The following MRAS variants were observed in gnomAD, a reference collection of about 807,000 sequenced individuals.
MRAS encodes the protein muscle RAS oncogene homolog.
Under a neutral mutation model 20.9 loss-of-function variants are expected in MRAS, and 4 were observed. The observed-to-expected ratio is 0.19, with a 90% CI of 0.09 to 0.44. The LOEUF (loss-of-function observed/expected upper bound fraction) is 0.44, where lower values mean the gene tolerates loss of function less well. MRAS is among the 20% of genes least tolerant of loss of function. The pLI is 0.99. For missense variants in MRAS, 154 were observed against 277.5 expected (o/e 0.56, Z 3.16); for synonymous variants, 98 against 102.9 (o/e 0.95, Z 0.29).
At chr3:138,378,061 A>G (rs1198864260) in intron 2 of MRAS, among the ~76,000 whole-genome samples, 1 of 152,170 alleles carries the variant, frequency 6.6e-6, no homozygotes, top group East Asian at 1.9e-4. Flanking sequence ...AGCACAGTGG[A>G]TCCTTGTGCC....
intron 2 of MRAS, among the ~76,000 whole-genome samples, chr3:138,391,713 C>G (rs2055135728): frequency 6.6e-6 from 1 of 152,110 alleles, no homozygotes. Flanking sequence ...AATAAAAATT[C>G]CAAAACACCT....
At chr3:138,393,205 C>T (rs2055165714) in intron 2 of MRAS, among the ~76,000 whole-genome samples, 1 of 152,150 alleles carries the variant, frequency 6.6e-6, no homozygotes, top group Non-Finnish European at 1.5e-5. Context: ...TCAAATTATG[C>T]AACAACATTT....
intron 2 of MRAS, among the ~76,000 whole-genome samples, chr3:138,384,659 G>A (rs2054973114): frequency 6.6e-6 from 1 of 152,168 alleles, no homozygotes; most frequent in African/African-American, 2.4e-5. Context: ...TAGGAGGGGA[G>A]ACCTGTGGGC....
At chr3:138,380,550 A>G (rs1049067735) in intron 2 of MRAS, among the ~76,000 whole-genome samples, 2 of 152,060 alleles carry the variant, frequency 1.3e-5, no homozygotes, top group South Asian at 2.1e-4. Context: ...GCCTCAGGTG[A>G]TCCACCCACC....
chr3:138,398,632 C>T, intron 4 of MRAS, 64 bp downstream of exon 4: 2 of 1,411,306 alleles, frequency 1.4e-6, no homozygotes, highest in Non-Finnish European at 2.0e-6. Context: ...CTGGTCACCC[C>T]TGCAGTCCTG....
chr3:138,392,091 T>C (rs2055143031), intron 2 of MRAS, among the ~76,000 whole-genome samples: 1 of 152,002 alleles, frequency 6.6e-6, no homozygotes, highest in South Asian at 2.1e-4. Flanking sequence ...TGAGCCAAGA[T>C]TGCACCACTG....
At chr3:138,380,209 A>G (rs774481189) in intron 2 of MRAS, among the ~76,000 whole-genome samples, 1 of 152,102 alleles carries the variant, frequency 6.6e-6, no homozygotes, top group Non-Finnish European at 1.5e-5. Context: ...TATTTTGCTA[A>G]TGAGTTGTTT....
chr3:138,383,754 T>C (rs772102565), intron 2 of MRAS, among the ~76,000 whole-genome samples: 1 of 152,208 alleles, frequency 6.6e-6, no homozygotes, highest in Non-Finnish European at 1.5e-5. Flanking sequence ...GACATAGCAA[T>C]TGGCAAATCA....
chr3:138,357,679 G>T (rs998436627), intron 1 of MRAS, among the ~76,000 whole-genome samples: 2 of 152,204 alleles, frequency 1.3e-5, no homozygotes, highest in Non-Finnish European at 2.9e-5. Flanking sequence ...CCCACTGGCC[G>T]CCTGGCCTCC....
intron 1 of MRAS, among the ~76,000 whole-genome samples, chr3:138,358,331 T>TCC (rs2054376596): frequency 7.2e-6 from 1 of 138,584 alleles, no homozygotes; most frequent in Non-Finnish European, 1.6e-5. Flanking sequence ...AACAAGACTC[T>TCC]CTCAAAAAAA....
intron 2 of MRAS, among the ~76,000 whole-genome samples, chr3:138,392,472 G>A (rs1036553488): frequency 3.3e-5 from 5 of 152,156 alleles, no homozygotes; most frequent in African/African-American, 1.2e-4. Flanking sequence ...TAATGATTAT[G>A]GAATTTGTCA....
intron 1 of MRAS, among the ~76,000 whole-genome samples, chr3:138,368,024 C>CG (rs1340040110): frequency 6.6e-6 from 1 of 152,222 alleles, no homozygotes; most frequent in Non-Finnish European, 1.5e-5. Flanking sequence ...GTGGCCTGGG[C>CG]GGGGCCCTGG....
At chr3:138,358,990 G>T (rs901911871) in intron 1 of MRAS, among the ~76,000 whole-genome samples, 8 of 152,074 alleles carry the variant, frequency 5.3e-5, no homozygotes, top group African/African-American at 1.9e-4. Context: ...TTTTCATTAG[G>T]CCAAGGTTAT....
At chr3:138,400,672 C>A in intron 5 of MRAS, 59 bp downstream of exon 5, 2 of 1,422,006 alleles carry the variant, frequency 1.4e-6, no homozygotes, top group Non-Finnish European at 2.0e-6. Flanking sequence ...CTCCTGGAGG[C>A]AGCTGGGAGC....
At chr3:138,389,327 A>G (rs1174902524) in intron 2 of MRAS, among the ~76,000 whole-genome samples, 2 of 151,664 alleles carry the variant, frequency 1.3e-5, no homozygotes. Context: ...AGGCTCCCAC[A>G]TTCTGGGACT....
At chr3:138,357,679 G>A (rs998436627) in intron 1 of MRAS, among the ~76,000 whole-genome samples, 1 of 152,204 alleles carries the variant, frequency 6.6e-6, no homozygotes, top group African/African-American at 2.4e-5. Context: ...CCCACTGGCC[G>A]CCTGGCCTCC....
At chr3:138,351,955 T>C (rs2054236966) in intron 1 of MRAS, among the ~76,000 whole-genome samples, 2 of 152,230 alleles carry the variant, frequency 1.3e-5, no homozygotes, top group Admixed American at 1.3e-4. Context: ...GGCACGTGAC[T>C]TCTCTAATGT....
At chr3:138,391,574 T>A (rs1470361340) in intron 2 of MRAS, among the ~76,000 whole-genome samples, 2 of 152,220 alleles carry the variant, frequency 1.3e-5, no homozygotes, top group South Asian at 4.1e-4. Context: ...TGCACAAAAT[T>A]CTCGGAAATA....
chr3:138,370,684 A>G (rs1390605393), intron 1 of MRAS, among the ~76,000 whole-genome samples: 1 of 152,212 alleles, frequency 6.6e-6, no homozygotes, highest in Non-Finnish European at 1.5e-5. Flanking sequence ...ATGAGAGGAA[A>G]TCAAACATTT....
Sources: gnomAD v4.1 joint callset for allele counts (sites outside exome capture counted in the v4.1 genomes callset) on GRCh38, gnomAD v4.1.1 for gene constraint, MANE v1.5 for transcripts, NCBI Gene and HGNC (gene_info 2026-07-23, HGNC 2026-07-21) for gene names.